Variants in SYT7 observed in about 807,000 individuals in gnomAD.
SYT7 encodes synaptotagmin 7.
Under a neutral mutation model 75.1 loss-of-function variants are expected in SYT7, and 29 were observed. The observed-to-expected ratio is 0.39, with a 90% confidence interval of 0.29 to 0.53. SYT7 has a LOEUF of 0.53. Ranked by LOEUF, SYT7 falls within the 20% of genes least tolerant of loss-of-function variation. The pLI is 0.77. For synonymous variants in SYT7, 376 were observed against 401.7 expected (o/e 0.94, Z 0.76); for missense variants, 693 against 953.2 (o/e 0.73, Z 3.59).
intron 1 of SYT7, among the ~76,000 whole-genome samples, chr11:61,568,011 C>CA: frequency 6.6e-6 from 1 of 152,226 alleles, no homozygotes. Context: ...CTTGTTTAAA[C>CA]AAACACCAAC....
At chr11:61,531,466 G>A (rs1368702380) in intron 8 of SYT7, among the ~76,000 whole-genome samples, 3 of 152,084 alleles carry the variant, frequency 2.0e-5, no homozygotes, top group Non-Finnish European at 4.4e-5. Flanking sequence ...CTGGGGGGGG[G>A]AAGATGGAAG....
Position 61,538,276 on chromosome 11 carries a change from G to C in SYT7, c.942-10C>G. 6.5e-7 allele frequency: 1 copy of C among 1,527,406 alleles called. No individual in the cohort carries two copies. Among genetic ancestry groups the C allele is most frequent in the South Asian group, 1.2e-5 (1 of 83,874 alleles). The allele number at this position is 1,527,406 out of a possible 1,614,324, so 94.6% of individuals were successfully genotyped here. A position where few individuals can be genotyped will look rare whatever the true frequency, so the allele number is the denominator to read the frequency against. ...CACCATCCGGCCTTCCCTGCCCGGG[G>C]AGGGCAGCCCACAGGCCAGGGTGAA... On this transcript the variant is annotated splice_polypyrimidine_tract_variant and intron_variant, in intron 6 of 12. Coordinates refer to ENST00000539008, the MANE Select transcript of SYT7 (RefSeq NM_001365809.2).
At chr11:61,518,807 C>A in intron 12 of SYT7, 76 bp from the exon 13 acceptor site, 2 of 1,057,930 alleles carry the variant, frequency 1.9e-6, no homozygotes, top group Non-Finnish European at 2.7e-6. Flanking sequence ...GGGTGACACC[C>A]CAACTCCACC....
chr11:61,551,531 G>A lies in SYT7; in HGVS notation c.136-68C>T, dbSNP rs1281176523. 5 of 1,495,716 alleles carry A rather than the reference G, an allele frequency of 3.3e-6. No homozygotes were observed. The highest frequency in any genetic ancestry group is 2.3e-5 in the East Asian group (1 of 44,156). The allele number at this position is 1,495,716 out of a possible 1,614,324, so 92.7% of individuals were successfully genotyped here. On this transcript the variant is annotated intron_variant, in intron 2 of 12. Transcript: ENST00000539008. This position sits in a 1 kb window ranked among gnomAD's most constrained non-coding sequence, Gnocchi z 5.3. Reference sequence around the variant, plus strand: ...TACCCTCCCTACCTCCCCAGAACAGGGACCCGGAGGGGAAGGAGATAGACT... The same window carrying A: ...TACCCTCCCTACCTCCCCAGAACAGAGACCCGGAGGGGAAGGAGATAGACT...
At chr11:61,560,931 G>T (rs2063622072) in intron 1 of SYT7, among the ~76,000 whole-genome samples, 1 of 152,108 alleles carries the variant, frequency 6.6e-6, no homozygotes, top group Non-Finnish European at 1.5e-5. Flanking sequence ...TGTCTCCCCA[G>T]AACTTTCCCT....
rs574647070 is a variant in SYT7, at chr11:61,552,498, G to A, written c.136-1035C>T. ...CACACACACACACATGCACACACAC[G>A]TGCGCGCACAAATGCTTCCCAACAC... On this transcript the variant is annotated intron_variant, in intron 2 of 12. Transcript: ENST00000539008. 5.3e-5 allele frequency among the ~76,000 whole-genome samples: 8 copies of A among 152,004 alleles called. No homozygotes were observed. The South Asian group carries it at 1.7e-3, about 32-fold the overall frequency.
At chr11:61,556,329 C>A in intron 1 of SYT7, 122 bp from the exon 2 acceptor site, 8 of 737,090 alleles carry the variant, frequency 1.1e-5, no homozygotes, top group Non-Finnish European at 1.8e-5. Flanking sequence ...GAGCTCTGAA[C>A]CCAGGTTCTA....
chr11:61,579,599 G>C (rs1356611398), intron 1 of SYT7, among the ~76,000 whole-genome samples: 1 of 152,234 alleles, frequency 6.6e-6, no homozygotes, highest in African/African-American at 2.4e-5. Flanking sequence ...AGGGGAAAGA[G>C]CAAATGTGGG....
intron 8 of SYT7, among the ~76,000 whole-genome samples, chr11:61,531,634 C>T (rs2062711726): frequency 6.6e-6 from 1 of 152,072 alleles, no homozygotes; most frequent in Admixed American, 6.6e-5. Flanking sequence ...TGGCTCATGC[C>T]TGTAATCACA....
Position 61,568,467 on chromosome 11 carries a change from G to T in SYT7, c.32-12260C>A, listed in dbSNP as rs1015555048. On this transcript the variant is annotated intron_variant, in intron 1 of 12. Transcript: ENST00000539008. ...ACTGTGCTAAGAGCTGTGCAAACAT[G>T]ATCTCATTTAGCCTTCCAGCCACCC... Among the ~76,000 whole-genome samples, 8 of 152,168 alleles carry T rather than the reference G, an allele frequency of 5.3e-5. 1 individual carries two copies. In the South Asian group the frequency reaches 1.5e-3, roughly 28 times the overall value.
intron 8 of SYT7, 138 bp downstream of exon 8, chr11:61,532,851 C>A (rs2062750897): frequency 3.1e-6 from 4 of 1,289,934 alleles, no homozygotes; most frequent in South Asian, 1.5e-5. Flanking sequence ...CTGGGCCTGG[C>A]TCTCCAGGCT....
In SYT7 at chr11:61,560,364, C is replaced by A. The variant is rs537258766; in HGVS notation, c.32-4157G>T. Among the ~76,000 whole-genome samples, 8 of 152,214 alleles carry A rather than the reference C, an allele frequency of 5.3e-5. No individual in the cohort carries two copies. The South Asian group carries it at 1.4e-3, about 28-fold the overall frequency. On this transcript the variant is annotated intron_variant, in intron 1 of 12. Transcript: ENST00000539008. ...CCTCTTCAGCCACAGTAGCACTGTT[C>A]CTGTCTGTGTTCTTGAGCTTTTGCA...
chr11:61,549,988 C>G (rs1477008184), intron 3 of SYT7, among the ~76,000 whole-genome samples: 1 of 152,252 alleles, frequency 6.6e-6, no homozygotes, highest in East Asian at 1.9e-4. Flanking sequence ...CTGTAAACGG[C>G]CTGTCCTGGA....
At chr11:61,585,822 CTG>C (rs2064374314), upstream of SYT7, among the ~76,000 whole-genome samples, 1 of 152,178 alleles carries the variant, frequency 6.6e-6, no homozygotes, top group African/African-American at 2.4e-5. Flanking sequence ...AGGGAAGAAT[CTG>C]AGACTCGAAC....
At chr11:61,571,696 C>A (rs373806394) in intron 1 of SYT7, among the ~76,000 whole-genome samples, 3 of 152,358 alleles carry the variant, frequency 2.0e-5, no homozygotes, top group African/African-American at 7.2e-5. Context: ...CCCAAAGATG[C>A]CAGCCAACCT....
At position 61,517,228 on chromosome 11, in the gene SYT7, G is replaced by C; in HGVS notation, c.*1399C>G. On this transcript the variant is annotated 3_prime_UTR_variant, in exon 13 of 13. Transcript: ENST00000539008. ...CGTGGGGATGAGAGGGCTTAAGCAG[G>C]GATCAGCCTGAAATCTGCCGTCTCC... is the stretch of plus-strand genomic sequence containing the variant. 1 of 398,534 alleles carries C rather than the reference G, an allele frequency of 2.5e-6. No individual in the cohort carries two copies. The highest frequency in any genetic ancestry group is 4.4e-6 in the Non-Finnish European group (1 of 226,054). The allele number at this position is 398,534 out of a possible 1,614,324, so 24.7% of individuals were successfully genotyped here.
chr11:61,584,611 A>G (rs1458552760), upstream of SYT7, among the ~76,000 whole-genome samples: 2 of 152,186 alleles, frequency 1.3e-5, no homozygotes, highest in African/African-American at 4.8e-5. Flanking sequence ...TCCTGCTGGA[A>G]TATCGATGAG....
intron 6 of SYT7, chr11:61,540,882 C>T (rs1344911218): frequency 8.1e-6 from 8 of 985,384 alleles, no homozygotes; most frequent in African/African-American, 1.7e-5. Context: ...CCTGGAAGAC[C>T]GGAGGCTCTT....
intron 5 of SYT7, among the ~76,000 whole-genome samples, chr11:61,544,869 C>T (rs533363892): frequency 6.6e-6 from 1 of 152,122 alleles, no homozygotes; most frequent in Admixed American, 6.5e-5. Context: ...AGCCAACTAG[C>T]GAAAGAGATC....
Sources: gnomAD v4.1 joint callset for allele counts (sites outside exome capture counted in the v4.1 genomes callset) on GRCh38, gnomAD v4.1.1 for gene constraint, Gnocchi (gnomAD v3.1) non-coding constraint, MANE v1.5 for transcripts, NCBI Gene and HGNC (gene_info 2026-07-23, HGNC 2026-07-21) for gene names.